The following PCDHGA5 variants were observed in gnomAD, a reference collection of about 807,000 sequenced individuals.
PCDHGA5 encodes the protein protocadherin gamma subfamily A, 5.
In PCDHGA5, 36 loss-of-function variants were observed where a neutral mutation model predicts 56.7. The observed-to-expected ratio is 0.64, with a 90% CI of 0.49 to 0.84. PCDHGA5 has a LOEUF of 0.84. Ranked by LOEUF, PCDHGA5 falls within the 40% of genes least tolerant of loss-of-function variation. PCDHGA5 has a pLI of 0.00. For missense variants in PCDHGA5, 1,305 were observed against 1,201.5 expected (o/e 1.09, Z -1.27); for synonymous variants, 563 against 520.2 (o/e 1.08, Z -1.12).
chr5:141,465,257 T>C (rs968727090), intron 1 of PCDHGA5, among the ~76,000 whole-genome samples: 19 of 152,310 alleles, frequency 1.2e-4, no homozygotes, highest in Admixed American at 1.2e-3. Flanking sequence ...TTGTAAGCAA[T>C]GATACTAGCC....
chr5:141,428,557 C>T (rs2097147196), intron 1 of PCDHGA5: 2 of 242,520 alleles, frequency 8.2e-6, no homozygotes, highest in Non-Finnish European at 1.6e-5. Context: ...AACAGTCCCC[C>T]CACAAGATCT....
chr5:141,420,197 A>C (rs760921171), intron 1 of PCDHGA5: 2 of 1,613,630 alleles, frequency 1.2e-6, no homozygotes, highest in South Asian at 2.2e-5. Context: ...CACACAAGAT[A>C]ACCTCAACAA....
At chr5:141,374,562 C>T in intron 1 of PCDHGA5, 2 of 1,613,702 alleles carry the variant, frequency 1.2e-6, no homozygotes, top group Non-Finnish European at 1.7e-6. Flanking sequence ...GTCTATGACC[C>T]TGATGTGGGA....
chr5:141,382,964 C>T (rs373652237), intron 1 of PCDHGA5: 3 of 1,608,120 alleles, frequency 1.9e-6, no homozygotes, highest in Non-Finnish European at 8.5e-7. Context: ...CTCCTGGGGA[C>T]CCCCTGGGAA....
intron 1 of PCDHGA5, among the ~76,000 whole-genome samples, chr5:141,380,119 C>G (rs1776230569): frequency 6.6e-6 from 1 of 151,916 alleles, no homozygotes; most frequent in Non-Finnish European, 1.5e-5. Flanking sequence ...AGGCTGGTCT[C>G]AAACTCCTGA....
chr5:141,476,038 G>A lies in PCDHGA5; in HGVS notation c.2422-18769G>A, dbSNP rs1426234941. 1.3e-6 allele frequency: 2 copies of A among 1,484,842 alleles called. No homozygotes were observed. Among genetic ancestry groups the A allele is most frequent in the Non-Finnish European group, 1.8e-6 (2 of 1,118,086 alleles). 92.0% of individuals were successfully genotyped at this position (1,484,842 alleles called of 1,614,324 possible). The stretch of plus-strand genomic sequence containing the variant: ...GTCGGACTCGGCGCCCAGCGCCCAA[G>A]CGCTAACCCGCTGAAAGTTTCTCAG... On this transcript the variant is annotated intron_variant, in intron 1 of 3. Coordinates refer to ENST00000518069, the MANE Select transcript of PCDHGA5 (RefSeq NM_018918.3). The surrounding 1 kb of genome is among the most constrained non-coding windows in gnomAD (Gnocchi z 7.6).
chr5:141,430,930 G>A, intron 1 of PCDHGA5: 2 of 1,607,320 alleles, frequency 1.2e-6, no homozygotes, highest in Non-Finnish European at 1.7e-6. Context: ...TGGAGCCCCG[G>A]GAGCTCGCGG....
intron 1 of PCDHGA5, chr5:141,393,401 G>C: frequency 6.2e-7 from 1 of 1,614,036 alleles, no homozygotes; most frequent in South Asian, 1.1e-5. Context: ...AGCTGGTGCT[G>C]GAGCGCGCCC....
At chr5:141,404,266 C>T in intron 1 of PCDHGA5, 1 of 1,613,980 alleles carries the variant, frequency 6.2e-7, no homozygotes. Flanking sequence ...AAATTCACAT[C>T]ACCCTGCAAG....
intron 1 of PCDHGA5, chr5:141,384,387 C>A (rs774707320): frequency 6.2e-7 from 1 of 1,613,950 alleles, no homozygotes; most frequent in Admixed American, 1.7e-5. Context: ...AAGACACCAT[C>A]CAGGGGGCTC....
rs570379716 is a variant in PCDHGA5 at position 141,452,090 on chromosome 5, G to A, written c.2422-42717G>A. Among the ~76,000 whole-genome samples, 3 of 152,256 alleles carry A rather than the reference G, an allele frequency of 2.0e-5. No individual in the cohort carries two copies. The South Asian group carries it at 6.2e-4, about 32-fold the overall frequency. On this transcript the variant is annotated intron_variant, in intron 1 of 3. Coordinates refer to ENST00000518069, the MANE Select transcript of PCDHGA5 (RefSeq NM_018918.3). The stretch of plus-strand genomic sequence containing the variant: ...TTTATTAGTTGGCATTATACAGTAA[G>A]AAAGAGCTTTCTTTTCTCTTCTTAT...
intron 1 of PCDHGA5, chr5:141,430,857 A>C (rs748992376): frequency 1.9e-6 from 3 of 1,591,316 alleles, no homozygotes; most frequent in Non-Finnish European, 2.6e-6. Flanking sequence ...CAGATACGCT[A>C]TTCAGTTCCG....
intron 1 of PCDHGA5, chr5:141,394,696 C>A: frequency 6.2e-7 from 1 of 1,613,046 alleles, no homozygotes; most frequent in Non-Finnish European, 8.5e-7. Flanking sequence ...GAGGTGCGCA[C>A]GGCGCGAGCC....
intron 1 of PCDHGA5, among the ~76,000 whole-genome samples, chr5:141,466,183 T>G (rs145148468): frequency 2.0e-5 from 3 of 152,138 alleles, no homozygotes; most frequent in Middle Eastern, 3.4e-3. Flanking sequence ...TATTTTTATT[T>G]TTTTTCAGAC....
chr5:141,511,489 A>G lies in PCDHGA5; in HGVS notation c.*316A>G. 2.3e-6 allele frequency: 1 copy of G among 435,688 alleles called. No individual in the cohort carries two copies. Among genetic ancestry groups the G allele is most frequent in the Non-Finnish European group, 4.2e-6 (1 of 239,908 alleles). The allele number at this position is 435,688 out of a possible 1,614,324, so 27.0% of individuals were successfully genotyped here. ...CGTTTAGTTACAGCTGAACTCCTCC[A>G]TCTTCCAAATCAATCAGGCCCATCC... On this transcript the variant is annotated 3_prime_UTR_variant, in exon 4 of 4. Coordinates refer to ENST00000518069, the MANE Select transcript of PCDHGA5 (RefSeq NM_018918.3).
rs1410729947 is a variant in PCDHGA5 at position 141,493,256 on chromosome 5, T to TA, written c.2422-1550dup. 3.3e-5 allele frequency among the ~76,000 whole-genome samples: 5 copies of TA among 152,306 alleles called. No homozygotes were observed. The highest frequency in any genetic ancestry group is 1.2e-4 in the African/African-American group (5 of 41,570). ...TGGCTAGGTACTAACATGCCTCTCT[T>TA]ATAACAGCTTCACAGAGGTCAAGTG... On this transcript the variant is annotated intron_variant, in intron 1 of 3. Transcript: ENST00000518069. This position sits in a 1 kb window ranked among gnomAD's most constrained non-coding sequence, Gnocchi z 4.3.
intron 1 of PCDHGA5, chr5:141,407,971 G>T (rs1399304138): frequency 2.8e-6 from 2 of 717,762 alleles, no homozygotes; most frequent in Non-Finnish European, 4.3e-6. Context: ...AAGCGCTGAC[G>T]CCGGGGATCC....
intron 1 of PCDHGA5, chr5:141,426,985 A>G (rs534298238): frequency 7.7e-5 from 35 of 456,646 alleles, no homozygotes; most frequent in Non-Finnish European, 1.3e-4. Context: ...ACTGATGCCA[A>G]CGATAATGCC....
intron 1 of PCDHGA5, among the ~76,000 whole-genome samples, chr5:141,466,493 A>G (rs2099123402): frequency 6.6e-6 from 1 of 152,226 alleles, no homozygotes; most frequent in South Asian, 2.1e-4. Context: ...TTCTTTAATT[A>G]GAGCACAGAC....
Sources: allele counts gnomAD v4.1 joint callset (sites outside exome capture counted in the v4.1 genomes callset), GRCh38; gene constraint gnomAD v4.1.1; non-coding constraint Gnocchi (gnomAD v3.1); transcripts MANE v1.5; gene names NCBI Gene and HGNC (gene_info 2026-07-23, HGNC 2026-07-21).